The following JAK1 variants were observed in gnomAD, a reference collection of about 807,000 sequenced individuals.
The protein encoded by JAK1 is tyrosine-protein kinase JAK1.
In JAK1, 16 loss-of-function variants were observed where a neutral mutation model predicts 136.6. That is an observed-to-expected ratio of 0.12 (90% CI 0.08 to 0.18). JAK1 has a LOEUF of 0.18. JAK1 is among the 10% of genes least tolerant of loss of function. JAK1 has a pLI of 1.00. For missense variants in JAK1, 859 were observed against 1,450.1 expected, an observed-to-expected ratio of 0.59 and a Z score of 6.62; for synonymous variants, 492 against 519.5, an observed-to-expected ratio of 0.95 and a Z score of 0.72.
intron 2 of JAK1, among the ~76,000 whole-genome samples, chr1:65,034,328 C>A (rs1467510645): frequency 6.6e-6 from 1 of 152,108 alleles, no homozygotes; most frequent in African/African-American, 2.4e-5. Context: ...TATGGAAGAG[C>A]AAGGAGAATT....
chr1:64,969,968 T>G (rs1646435460), upstream of JAK1, among the ~76,000 whole-genome samples: 1 of 151,600 alleles, frequency 6.6e-6, no homozygotes, highest in African/African-American at 2.4e-5. Flanking sequence ...AAACCCTGTA[T>G]CTACAAAAAA....
chr1:64,874,956 T>G (rs915161101), intron 4 of JAK1, among the ~76,000 whole-genome samples: 3 of 152,140 alleles, frequency 2.0e-5, no homozygotes, highest in African/African-American at 7.2e-5. Flanking sequence ...CAACACACAA[T>G]GGGGCACGTA....
At chr1:65,002,172 T>C (rs114933627) in intron 2 of JAK1, among the ~76,000 whole-genome samples, 41 of 152,360 alleles carry the variant, frequency 2.7e-4, no homozygotes, top group African/African-American at 9.4e-4. Flanking sequence ...TATGTTTGTG[T>C]GTATATACGT....
At chr1:64,873,592 C>T in intron 4 of JAK1, 69 bp from the exon 5 acceptor site, 2 of 1,585,804 alleles carry the variant, frequency 1.3e-6, no homozygotes, top group Non-Finnish European at 1.7e-6. Flanking sequence ...CGTCCTGGCT[C>T]ACCAACAGTG....
chr1:65,049,234 C>A (rs1175860070), intron 1 of JAK1, among the ~76,000 whole-genome samples: 1 of 152,104 alleles, frequency 6.6e-6, no homozygotes, highest in African/African-American at 2.4e-5. Context: ...CCAGCCTGAG[C>A]AACAAAGAGA....
chr1:64,981,215 C>T (rs1646542298), intron 2 of JAK1, among the ~76,000 whole-genome samples: 1 of 152,186 alleles, frequency 6.6e-6, no homozygotes, highest in Non-Finnish European at 1.5e-5. Flanking sequence ...GGAAATGAGT[C>T]AGGAAGGGTT....
At chr1:64,881,942 C>G (rs1644779989) in intron 3 of JAK1, among the ~76,000 whole-genome samples, 1 of 152,092 alleles carries the variant, frequency 6.6e-6, no homozygotes, top group Admixed American at 6.5e-5. Flanking sequence ...AACAAAAAAA[C>G]AAAGCCTTAA....
intron 11 of JAK1, among the ~76,000 whole-genome samples, chr1:64,855,296 C>T (rs1040554407): frequency 2.2e-4 from 33 of 152,302 alleles, no homozygotes; most frequent in African/African-American, 7.7e-4. Flanking sequence ...TAATGAGATG[C>T]TGAGAAAGGT....
At chr1:65,030,625 C>G (rs145728574) in intron 2 of JAK1, among the ~76,000 whole-genome samples, 1 of 151,878 alleles carries the variant, frequency 6.6e-6, no homozygotes, top group African/African-American at 2.4e-5. Context: ...CTCCACCTCC[C>G]GGGTTCAAGT....
chr1:64,950,645 C>CACTG (rs1468580434), intron 1 of JAK1, among the ~76,000 whole-genome samples: 2 of 152,172 alleles, frequency 1.3e-5, no homozygotes, highest in Admixed American at 1.3e-4. Context: ...TCTCATAAGA[C>CACTG]ACTGCCCTTC....
chr1:64,882,886 C>T lies in JAK1; in HGVS notation c.205+391G>A, dbSNP rs761166783. ...GAATAATTATTAAGATATTGAGATA[C>T]GCTACTTGCTGAGCAGGGACTTAGT... is the stretch of plus-strand genomic sequence containing the variant. On this transcript the variant is annotated intron_variant, in intron 3 of 24. Coordinates refer to ENST00000342505, the MANE Select transcript of JAK1 (RefSeq NM_002227.4). Among the ~76,000 whole-genome samples, 7 of 152,300 alleles carry T rather than the reference C, an allele frequency of 4.6e-5. No individual in the cohort carries two copies. In the East Asian group the frequency reaches 5.8e-4, roughly 13 times the overall value.
chr1:65,032,519 C>CA (rs1281770460), intron 2 of JAK1, among the ~76,000 whole-genome samples: 14 of 151,628 alleles, frequency 9.2e-5, no homozygotes, highest in Admixed American at 6.6e-4. Flanking sequence ...ACAACAACAA[C>CA]AACAAAAAAA....
At chr1:64,893,207 T>G (rs908748626) in intron 1 of JAK1, among the ~76,000 whole-genome samples, 2 of 151,898 alleles carry the variant, frequency 1.3e-5, no homozygotes, top group African/African-American at 4.8e-5. Flanking sequence ...GGAAAGAGTA[T>G]GCAGACAGGA....
chr1:64,972,503 T>C (rs1646460789), intron 2 of JAK1: 2 of 152,202 alleles, frequency 1.3e-5, no homozygotes, highest in Admixed American at 1.3e-4. Context: ...TAATATACAG[T>C]TTAGGCTGCA....
intron 2 of JAK1, among the ~76,000 whole-genome samples, chr1:64,982,635 G>T (rs3014981): frequency 6.6e-6 from 1 of 152,214 alleles, no homozygotes; most frequent in Non-Finnish European, 1.5e-5. Flanking sequence ...ATGTCTCTAA[G>T]ACCACAGGCT....
intron 2 of JAK1, among the ~76,000 whole-genome samples, chr1:65,036,423 AAAGTCCCCGTGC>A (rs1289682932): frequency 6.6e-6 from 1 of 152,180 alleles, no homozygotes; most frequent in African/African-American, 2.4e-5. Context: ...CAACACAGTG[AAAGTCCCCGTGC>A]AGGCCAAAGT....
chr1:65,033,725 CAAAAA>C (rs10700479), intron 2 of JAK1, among the ~76,000 whole-genome samples: 4 of 89,256 alleles, frequency 4.5e-5, no homozygotes, highest in African/African-American at 8.3e-5. Flanking sequence ...CCCGTAGTAC[CAAAAA>C]AAAAAAAAAA....
At chr1:64,992,005 A>G (rs1048700831) in intron 2 of JAK1, 1 of 152,224 alleles carries the variant, frequency 6.6e-6, no homozygotes, top group African/African-American at 2.4e-5. Context: ...ACAATACCCA[A>G]AACAATGTAC....
chr1:64,833,233 G>A lies in JAK1; in HGVS notation c.*1329C>T. On this transcript the variant is annotated 3_prime_UTR_variant, in exon 25 of 25. Coordinates refer to ENST00000342505, the MANE Select transcript of JAK1 (RefSeq NM_002227.4). ...ATATTAAAAGGCATATGCATGTAAA[G>A]TCTTTAGTATATTTATTTGTATAAA... 1 of 220,994 alleles carries A rather than the reference G, an allele frequency of 4.5e-6. No individual in the cohort carries two copies. 13.7% of individuals were successfully genotyped at this position (220,994 alleles called of 1,614,324 possible).
Sources: gnomAD v4.1 joint callset for allele counts (sites outside exome capture counted in the v4.1 genomes callset) on GRCh38, gnomAD v4.1.1 for gene constraint, MANE v1.5 for transcripts, NCBI Gene and HGNC (gene_info 2026-07-23, HGNC 2026-07-21) for gene names.